Variants in DHX16 observed in about 807,000 individuals in gnomAD.
DHX16 encodes pre-mRNA-splicing factor ATP-dependent RNA helicase DHX16.
DHX16 carries 81 observed loss-of-function variants against 131.2 expected under a neutral mutation model. The observed-to-expected ratio is 0.62, with a 90% CI of 0.52 to 0.74. DHX16 has a LOEUF of 0.74. DHX16 is among the 30% of genes least tolerant of loss of function. DHX16 has a pLI of 0.00. For missense variants in DHX16, 980 were observed against 1,363.1 expected (o/e 0.72, Z 4.43); for synonymous variants, 440 against 520.2 (o/e 0.85, Z 2.10).
In DHX16 at chr6:30,656,053, A is replaced by G; in HGVS notation, c.2498+145T>C. 1.2e-6 allele frequency: 1 copy of G among 812,384 alleles called. No individual in the cohort carries two copies. The highest frequency in any genetic ancestry group is 2.0e-6 in the Non-Finnish European group (1 of 504,566). The allele number at this position is 812,384 out of a possible 1,614,324, so 50.3% of individuals were successfully genotyped here. ...GTGTCTTACCCTTGTGGGCCTCAAA[A>G]GGGGGCAATCAGAGTTATCTAATAC... On this transcript the variant is annotated intron_variant, in intron 16 of 19. Coordinates refer to ENST00000376442, the MANE Select transcript of DHX16 (RefSeq NM_003587.5). The surrounding 1 kb of genome is among the most constrained non-coding windows in gnomAD (Gnocchi z 5.1).
intron 1 of DHX16, among the ~76,000 whole-genome samples, chr6:30,672,060 C>T (rs1291123661): frequency 6.6e-6 from 1 of 151,660 alleles, no homozygotes; most frequent in Non-Finnish European, 1.5e-5. Flanking sequence ...CCTGTAATCT[C>T]AGCACTCTGA....
At position 30,662,379 on chromosome 6, in the gene DHX16, G is replaced by A. The variant is rs1031583823; in HGVS notation, c.1544+248C>T. On this transcript the variant is annotated intron_variant, in intron 9 of 19. Coordinates refer to ENST00000376442, the MANE Select transcript of DHX16 (RefSeq NM_003587.5). This position sits in a 1 kb window ranked among gnomAD's most constrained non-coding sequence, Gnocchi z 4.7. ...AAGTGTTTTCAAATGGTCTTCACAC[G>A]GTATTTCAAGTCTCGGCAGCAATGC... Among the ~76,000 whole-genome samples, 1 of 152,122 alleles carries A rather than the reference G, an allele frequency of 6.6e-6. No homozygotes were observed. Among genetic ancestry groups the A allele is most frequent in the Admixed American group, 6.6e-5 (1 of 15,262 alleles).
rs1053573332 is a variant in DHX16, at chr6:30,670,776, C to T, written c.609+14G>A. On this transcript the variant is annotated intron_variant, in intron 3 of 19. Coordinates refer to ENST00000376442, the MANE Select transcript of DHX16 (RefSeq NM_003587.5). This position sits in a 1 kb window ranked among gnomAD's most constrained non-coding sequence, Gnocchi z 4.4. ...GGATCTTGGGGATTTACAGAACATG[C>T]TGCTCCTATTCACCTTCTTGTCTGA... The T allele has an allele frequency of 5.0e-6, 8 of 1,612,690 alleles. No individual in the cohort carries two copies. The highest frequency in any genetic ancestry group is 6.8e-6 in the Non-Finnish European group (8 of 1,180,006).
intron 10 of DHX16, 76 bp from the exon 11 acceptor site, chr6:30,659,910 A>C (rs1768338073): frequency 1.3e-5 from 20 of 1,557,406 alleles, no homozygotes; most frequent in Non-Finnish European, 1.8e-5. Context: ...CCAATTCAAC[A>C]TACACTTTAT....
At position 30,656,783 on chromosome 6, in the gene DHX16, G is replaced by A. The variant is rs1768027606; in HGVS notation, c.2149-24C>T. 1.2e-6 allele frequency: 2 copies of A among 1,610,426 alleles called. No individual in the cohort carries two copies. Among genetic ancestry groups the A allele is most frequent in the African/African-American group, 1.3e-5 (1 of 74,912 alleles). On this transcript the variant is annotated intron_variant, in intron 13 of 19. Transcript: ENST00000376442. This position sits in a 1 kb window ranked among gnomAD's most constrained non-coding sequence, Gnocchi z 5.1. The stretch of plus-strand genomic sequence containing the variant: ...GCCTGGAAAGAAAGGGGAACAGGCT[G>A]GCTGACAATTTGGTCAGGGAAAAGA...
At chr6:30,664,656 T>C in intron 7 of DHX16, 145 bp downstream of exon 7, 1 of 711,666 alleles carries the variant, frequency 1.4e-6, no homozygotes, top group South Asian at 2.0e-5. Context: ...GTGAAAAGGG[T>C]ATGGTCTTTA....
In DHX16 at chr6:30,656,334, C is replaced by A; in HGVS notation, c.2430+57G>T. On this transcript the variant is annotated intron_variant, in intron 15 of 19. Coordinates refer to ENST00000376442, the MANE Select transcript of DHX16 (RefSeq NM_003587.5). The surrounding 1 kb of genome is among the most constrained non-coding windows in gnomAD (Gnocchi z 5.1). The stretch of plus-strand genomic sequence containing the variant: ...TTTCCCGCTACTACTACAGGGGTCC[C>A]TGGAGCCATCCTGACCCCTATCATC... 2 of 1,609,218 alleles carry A rather than the reference C, an allele frequency of 1.2e-6. No individual in the cohort carries two copies. Among genetic ancestry groups the A allele is most frequent in the Non-Finnish European group, 8.5e-7 (1 of 1,175,768 alleles).
rs1237638323 is a variant in DHX16 at position 30,665,741 on chromosome 6, G to T, written c.667-8C>A. 6.2e-7 allele frequency: 1 copy of T among 1,606,580 alleles called. No homozygotes were observed. Among genetic ancestry groups the T allele is most frequent in the East Asian group, 2.2e-5 (1 of 44,870 alleles). On this transcript the variant is annotated splice_polypyrimidine_tract_variant and splice_region_variant and intron_variant, in intron 4 of 19. Coordinates refer to ENST00000376442, the MANE Select transcript of DHX16 (RefSeq NM_003587.5). The surrounding 1 kb of genome is among the most constrained non-coding windows in gnomAD (Gnocchi z 4.8). ...CTTCCGCAGCTCAGGGACCTGAGTT[G>T]GGAAAGGACAGTCGAATCCTCATCT...
chr6:30,654,341 G>A (rs1767750486), intron 19 of DHX16, among the ~76,000 whole-genome samples: 1 of 152,146 alleles, frequency 6.6e-6, no homozygotes, highest in Non-Finnish European at 1.5e-5. Flanking sequence ...GCCGAGGCAG[G>A]CATTTGAGAC....
Position 30,655,589 on chromosome 6 carries a change from C to T in DHX16, c.2507G>A (p.Cys836Tyr), listed in dbSNP as rs757650892. Residue 836 changes from cysteine to tyrosine, a missense_variant, in exon 17 of 20, where the codon TGT becomes TAT. Physicochemically the swap from Cys to Tyr is radical, Grantham distance 194. This residue lies in a region of DHX16 where 214 missense variants were observed against 271.2 expected (regional missense o/e 0.79). Coordinates refer to ENST00000376442, the MANE Select transcript of DHX16 (RefSeq NM_003587.5). Reference sequence around the variant, plus strand: ...AGCCACTGTCAGGATCTCCTCTGAACAGCTGTACCTGGGACAGGAAGGGGA... The same window carrying T: ...AGCCACTGTCAGGATCTCCTCTGAATAGCTGTACCTGGGACAGGAAGGGGA... ...KMILASEKYSCSEEILTVAAM... is the reference protein window; with the variant it reads ...KMILASEKYSYSEEILTVAAM... 6.2e-7 allele frequency: 1 copy of T among 1,613,106 alleles called. No homozygotes were observed. The highest frequency in any genetic ancestry group is 1.7e-5 in the Admixed American group (1 of 60,022).
At chr6:30,669,122 G>A (rs940446008) in intron 4 of DHX16, among the ~76,000 whole-genome samples, 4 of 150,838 alleles carry the variant, frequency 2.7e-5, no homozygotes, top group Non-Finnish European at 4.4e-5. Flanking sequence ...ATAAATAAAT[G>A]AATTTTAAAA....
Position 30,655,573 on chromosome 6 carries a change from C to T in DHX16, c.2523G>A (p.Leu841=), listed in dbSNP as rs1308206688. The T allele has an allele frequency of 4.3e-6, 7 of 1,613,124 alleles. No individual in the cohort carries two copies. Among genetic ancestry groups the T allele is most frequent in the Non-Finnish European group, 5.9e-6 (7 of 1,180,050 alleles). The change falls in exon 17 of 20, where the codon CTG becomes CTA. Residue 841 remains leucine (L), a synonymous_variant. Transcript: ENST00000376442. ...TGACAGAGAGCATGGCAGCCACTGT[C>T]AGGATCTCCTCTGAACAGCTGTACC... is the stretch of plus-strand genomic sequence containing the variant. ...SEKYSCSEEI[L]TVAAMLSVNN... is the part of the protein sequence containing the mutation.
At chr6:30,669,744 TAAAAA>T (rs953317689) in intron 4 of DHX16, among the ~76,000 whole-genome samples, 11 of 113,822 alleles carry the variant, frequency 9.7e-5, no homozygotes, top group African/African-American at 2.4e-4. Context: ...AAAAAAGGTT[TAAAAA>T]AAAAAAAAAA....
intron 4 of DHX16, among the ~76,000 whole-genome samples, chr6:30,666,161 C>G (rs1227320867): frequency 1.3e-5 from 2 of 152,160 alleles, no homozygotes; most frequent in African/African-American, 4.8e-5. Context: ...GTGAGGGGGC[C>G]AACAGGAGGC....
Position 30,665,030 on chromosome 6 carries a change from C to T in DHX16, c.1126-38G>A, listed in dbSNP as rs1561989071. On this transcript the variant is annotated intron_variant, in intron 6 of 19. Coordinates refer to ENST00000376442, the MANE Select transcript of DHX16 (RefSeq NM_003587.5). This position sits in a 1 kb window ranked among gnomAD's most constrained non-coding sequence, Gnocchi z 4.8. ...AAGGAGGTGTGAGCTAAATAGCTCG[C>T]TACGGGTCTTCCTCAGAAAGTCTCC... The T allele has an allele frequency of 1.9e-6, 3 of 1,613,814 alleles. No homozygotes were observed. Among genetic ancestry groups the T allele is most frequent in the South Asian group, 2.2e-5 (2 of 91,046 alleles).
rs1009284870 is a variant in DHX16 at position 30,670,582 on chromosome 6, CCT to C, written c.610-118_610-117del. On this transcript the variant is annotated intron_variant, in intron 3 of 19. Transcript: ENST00000376442. This position sits in a 1 kb window ranked among gnomAD's most constrained non-coding sequence, Gnocchi z 4.4. ...ATGCGCCCTAACACAAAAAATGTCC[CCT>C]CTCAGTGAGGAATCTCTCTGATTGC... 7.8e-6 allele frequency: 10 copies of C among 1,275,878 alleles called. No individual in the cohort carries two copies. Among genetic ancestry groups the C allele is most frequent in the Admixed American group, 4.4e-5 (2 of 45,906 alleles). 79.0% of individuals were successfully genotyped at this position (1,275,878 alleles called of 1,614,324 possible).
Position 30,656,212 on chromosome 6 carries a change from G to C in DHX16, c.2484C>G (p.Ile828Met). ...CGAGGGCTTACTTCTCAGAGGCTAA[G>C]ATCATTTTGGACAGCATGGGGTCCA... ...LPVDPMLSKM[I>M]LASEKYSCSE... The change falls in exon 16 of 20, where the codon ATC (isoleucine) becomes ATG (methionine). Residue 828 changes from isoleucine (I) to methionine (M), a missense_variant. Ile to Met is a conservative substitution (Grantham distance 10). Coordinates refer to ENST00000376442, the MANE Select transcript of DHX16 (RefSeq NM_003587.5). This position sits in a 1 kb window ranked among gnomAD's most constrained non-coding sequence, Gnocchi z 5.1. The C allele has an allele frequency of 6.2e-7, 1 of 1,613,250 alleles. No individual in the cohort carries two copies. The highest frequency in any genetic ancestry group is 8.5e-7 in the Non-Finnish European group (1 of 1,180,018).
In DHX16 at chr6:30,656,790, A is replaced by T; in HGVS notation, c.2149-31T>A. On this transcript the variant is annotated intron_variant, in intron 13 of 19. Transcript: ENST00000376442. The surrounding 1 kb of genome is among the most constrained non-coding windows in gnomAD (Gnocchi z 5.1). ...AAGAAAGGGGAACAGGCTGGCTGAC[A>T]ATTTGGTCAGGGAAAAGAAAAAGGC... 3 of 1,610,200 alleles carry T rather than the reference A, an allele frequency of 1.9e-6. No homozygotes were observed. The highest frequency in any genetic ancestry group is 2.5e-6 in the Non-Finnish European group (3 of 1,179,658).
Position 30,663,947 on chromosome 6 carries a change from C to T in DHX16, c.1317+854G>A, listed in dbSNP as rs543629336. Among the ~76,000 whole-genome samples the T allele has an allele frequency of 4.6e-5, 7 of 151,942 alleles. No individual in the cohort carries two copies. In the East Asian group the frequency reaches 1.4e-3, roughly 29 times the overall value. ...GGCTGAGGCAGGAGAATCACTTGAA[C>T]CCAGGAGGTGGAGGTTGCAGTGAGT... On this transcript the variant is annotated intron_variant, in intron 7 of 19. Transcript: ENST00000376442.
Sources: gnomAD v4.1 joint callset for allele counts (sites outside exome capture counted in the v4.1 genomes callset) on GRCh38, gnomAD v4.1.1 for gene constraint, gnomAD v4.1.1 regional missense constraint, Gnocchi (gnomAD v3.1) non-coding constraint, MANE v1.5 for transcripts, NCBI Gene and HGNC (gene_info 2026-07-23, HGNC 2026-07-21) for gene names.